The following SCUBE2 variants were observed in gnomAD, a reference collection of about 807,000 sequenced individuals.
SCUBE2 encodes signal peptide, CUB domain and EGF like domain containing 2.
In SCUBE2, 114 loss-of-function variants were observed where a neutral mutation model predicts 125.9. The observed-to-expected ratio is 0.91, with a 90% CI of 0.78 to 1.06. The LOEUF is 1.06. Among genes scored for constraint, SCUBE2 ranks in the 50% least tolerant of loss-of-function variants. The pLI, the probability that SCUBE2 is intolerant of heterozygous loss-of-function variation, is 0.00. For synonymous variants in SCUBE2, 459 were observed against 492.9 expected (o/e 0.93, Z 0.91); for missense variants, 1,255 against 1,301.8 (o/e 0.96, Z 0.55).
intron 2 of SCUBE2, among the ~76,000 whole-genome samples, chr11:9,083,142 A>T (rs1818602707): frequency 6.6e-6 from 1 of 152,032 alleles, no homozygotes; most frequent in African/African-American, 2.4e-5. Flanking sequence ...AATTGTATAC[A>T]TACAATTAAT....
At position 9,047,527 on chromosome 11, in the gene SCUBE2, C is replaced by T. The variant is rs1034169193; in HGVS notation, c.1831G>A (p.Glu611Lys). ...CGGATGGCTTTACGGAGCCGCTTCT[C>T]GGTTCGCTTTACGATGCAGCTCAGG... is the stretch of plus-strand genomic sequence containing the variant. ...CDLSCIVKRT[E>K]KRLRKAIRTL... Residue 611 changes from glutamate (E) to lysine (K), a missense_variant, in exon 16 of 23, where the codon GAG (glutamate) becomes AAG (lysine). Coordinates refer to ENST00000649792, the MANE Select transcript of SCUBE2 (RefSeq NM_001367977.2). 9.3e-6 allele frequency: 15 copies of T among 1,613,910 alleles called. No homozygotes were observed. Among genetic ancestry groups the T allele is most frequent in the Admixed American group, 3.3e-5 (2 of 59,992 alleles).
chr11:9,050,848 AG>A (rs1858289465), intron 13 of SCUBE2, 138 bp from the exon 14 acceptor site: 1 of 706,034 alleles, frequency 1.4e-6, no homozygotes, highest in Non-Finnish European at 2.5e-6. Context: ...CCTGAGGCTA[AG>A]AGTGGCTTGG....
At chr11:9,090,462 TG>T (rs1232390000) in intron 1 of SCUBE2, 5 of 136,244 alleles carry the variant, frequency 3.7e-5, no homozygotes, top group African/African-American at 1.1e-4. Flanking sequence ...TAAAACATTA[TG>T]AGATTTTTTT....
intron 13 of SCUBE2, 99 bp downstream of exon 13, chr11:9,052,647 A>G (rs548139371): frequency 2.0e-4 from 180 of 888,120 alleles, no homozygotes; most frequent in Non-Finnish European, 2.9e-4. Flanking sequence ...GGAAATTAAC[A>G]GAAAAAAAAC....
chr11:9,087,140 A>T (rs976941378), intron 2 of SCUBE2, among the ~76,000 whole-genome samples: 3 of 152,190 alleles, frequency 2.0e-5, no homozygotes, highest in African/African-American at 7.2e-5. Context: ...GTTATTTTAA[A>T]CTAAATAATA....
At chr11:9,086,503 C>T (rs1223601503) in intron 2 of SCUBE2, among the ~76,000 whole-genome samples, 1 of 152,206 alleles carries the variant, frequency 6.6e-6, no homozygotes, top group East Asian at 1.9e-4. Context: ...CTCTCCTTTT[C>T]CTTCTTGGGA....
At position 9,065,957 on chromosome 11, in the gene SCUBE2, C is replaced by G; in HGVS notation, c.784G>C (p.Val262Leu). ...ACTGATGTGGTGTTGCTCTCTGTCA[C>G]CTCCAGGACAGTGTCCTCTCGCTCT... is the stretch of plus-strand genomic sequence containing the variant. ...CLEREDTVLE[V>L]TESNTTSVVD... is the part of the protein sequence containing the mutation. Residue 262 changes from valine (V) to leucine (L), a missense_variant, in exon 7 of 23, where the codon GTG (valine) becomes CTG (leucine). Coordinates refer to ENST00000649792, the MANE Select transcript of SCUBE2 (RefSeq NM_001367977.2). 1 of 1,614,104 alleles carries G rather than the reference C, an allele frequency of 6.2e-7. No homozygotes were observed. The highest frequency in any genetic ancestry group is 8.5e-7 in the Non-Finnish European group (1 of 1,179,942).
intron 16 of SCUBE2, among the ~76,000 whole-genome samples, chr11:9,035,362 G>C (rs1397810220): frequency 6.6e-6 from 1 of 152,164 alleles, no homozygotes; most frequent in Non-Finnish European, 1.5e-5. Context: ...CAGCTAATTT[G>C]TGAAATACTC....
intron 2 of SCUBE2, among the ~76,000 whole-genome samples, chr11:9,088,921 C>T (rs1862367682): frequency 6.6e-6 from 1 of 152,212 alleles, no homozygotes; most frequent in Admixed American, 6.5e-5. Flanking sequence ...ATGGCCACAA[C>T]TCCTCTGGCC....
Position 9,053,129 on chromosome 11 carries a change from T to C in SCUBE2, c.1417A>G (p.Arg473Gly), listed in dbSNP as rs1292198324. The change falls in exon 12 of 23, where the codon AGA becomes GGA. Residue 473 changes from arginine (R) to glycine (G), a missense_variant. This residue lies in a region of SCUBE2 where 378 missense variants were observed against 463.1 expected (regional missense o/e 0.82). Transcript: ENST00000649792. ...KSGGGDGCFL[R>G]CHSGIHLSSG... ...GAGAGGTGAATGCCAGAGTGACATCTGAGGAAGCACCCGTCTCCTCCACCA... is the reference window on the plus strand; with the variant it reads ...GAGAGGTGAATGCCAGAGTGACATCCGAGGAAGCACCCGTCTCCTCCACCA... The C allele has an allele frequency of 3.7e-6, 6 of 1,614,140 alleles. No individual in the cohort carries two copies. The highest frequency in any genetic ancestry group is 5.1e-6 in the Non-Finnish European group (6 of 1,180,004).
chr11:9,046,427 T>C (rs1590052935), intron 16 of SCUBE2, among the ~76,000 whole-genome samples: 1 of 152,174 alleles, frequency 6.6e-6, no homozygotes. Flanking sequence ...ATACCCTCAC[T>C]GGGAGCCAGT....
chr11:9,039,282 G>A (rs535717304), intron 16 of SCUBE2, among the ~76,000 whole-genome samples: 66 of 152,250 alleles, frequency 4.3e-4, no homozygotes, highest in Non-Finnish European at 5.9e-4. Flanking sequence ...TAATAATAAC[G>A]GAGGAGGAGA....
Position 9,087,001 on chromosome 11 carries a change from G to C in SCUBE2, c.256+2706C>G, listed in dbSNP as rs567084675. Among the ~76,000 whole-genome samples, 5 of 152,194 alleles carry C rather than the reference G, an allele frequency of 3.3e-5. No homozygotes were observed. In the East Asian group the frequency reaches 9.6e-4, roughly 29 times the overall value. ...TCACTGTTAACCATGACTATCTGTG[G>C]ATAAATGGATGGGAGGCTCTTTAAT... On this transcript the variant is annotated intron_variant, in intron 2 of 22. Coordinates refer to ENST00000649792, the MANE Select transcript of SCUBE2 (RefSeq NM_001367977.2).
rs377507961 is a variant in SCUBE2 at position 9,053,051 on chromosome 11, G to T, written c.1447+48C>A. On this transcript the variant is annotated intron_variant, in intron 12 of 22. Coordinates refer to ENST00000649792, the MANE Select transcript of SCUBE2 (RefSeq NM_001367977.2). ...AATCTAACACCTGGAGGCCAGAGAG[G>T]CCTGGCCCCAGTGTGAGGACCTGCC... 8.7e-5 allele frequency: 128 copies of T among 1,477,116 alleles called. No homozygotes were observed. The African/African-American group carries it at 1.5e-3, about 17-fold the overall frequency. 91.5% of individuals were successfully genotyped at this position (1,477,116 alleles called of 1,614,324 possible).
Position 9,047,521 on chromosome 11 carries a change from G to C in SCUBE2, c.1837C>G (p.Arg613Gly), listed in dbSNP as rs755354435. 1.9e-6 allele frequency: 3 copies of C among 1,614,026 alleles called. No individual in the cohort carries two copies. The highest frequency in any genetic ancestry group is 2.5e-6 in the Non-Finnish European group (3 of 1,180,018). Residue 613 changes from arginine to glycine, a missense_variant, in exon 16 of 23, where the codon CGG becomes GGG. Around this residue, in one of 3 missense-constraint regions of SCUBE2, gnomAD observed 378 missense variants for 463.1 expected, o/e 0.82. Transcript: ENST00000649792. ...LSCIVKRTEK[R>G]LRKAIRTLRK... ...AGCGTGCGGATGGCTTTACGGAGCC[G>C]CTTCTCGGTTCGCTTTACGATGCAG...
chr11:9,021,031 G>A lies in SCUBE2; in HGVS notation c.*14C>T, dbSNP rs377301696. 3.4e-4 allele frequency: 541 copies of A among 1,609,498 alleles called. No homozygotes were observed. The highest frequency in any genetic ancestry group is 4.4e-4 in the Non-Finnish European group (514 of 1,178,552). On this transcript the variant is annotated 3_prime_UTR_variant, in exon 23 of 23. Coordinates refer to ENST00000649792, the MANE Select transcript of SCUBE2 (RefSeq NM_001367977.2). ...TATAGCAGAACATTTGTATTGAGTG[G>A]CACGTGGGCTGAGTCATTTGTAAGG...
intron 6 of SCUBE2, 100 bp from the exon 7 acceptor site, chr11:9,066,080 G>C (rs1860198452): frequency 1.3e-6 from 1 of 787,256 alleles, no homozygotes; most frequent in Non-Finnish European, 2.1e-6. Context: ...TAAGAGGAAT[G>C]AAAGATATGT....
chr11:9,044,301 G>T (rs1207263227), intron 16 of SCUBE2, among the ~76,000 whole-genome samples: 2 of 152,114 alleles, frequency 1.3e-5, no homozygotes, highest in Non-Finnish European at 2.9e-5. Flanking sequence ...CACCCAGGCT[G>T]CAGTGCAGTG....
At chr11:9,034,961 C>A (rs903351631) in intron 16 of SCUBE2, among the ~76,000 whole-genome samples, 13 of 152,114 alleles carry the variant, frequency 8.5e-5, no homozygotes, top group Admixed American at 2.0e-4. Flanking sequence ...GGTGCCACTG[C>A]ACTCCAGCCT....
Sources: allele counts gnomAD v4.1 joint callset (sites outside exome capture counted in the v4.1 genomes callset), GRCh38; gene constraint gnomAD v4.1.1; regional missense constraint gnomAD v4.1.1; transcripts MANE v1.5; gene names NCBI Gene and HGNC (gene_info 2026-07-23, HGNC 2026-07-21).